The following ZMYM4 variants were observed in gnomAD, a reference collection of about 807,000 sequenced individuals.
ZMYM4 encodes zinc finger MYM-type protein 4.
Under a neutral mutation model 183.2 loss-of-function variants are expected in ZMYM4, and 31 were observed. The ratio of observed to expected loss-of-function variants is 0.17; its 90% CI spans 0.13 to 0.23. The LOEUF (loss-of-function observed/expected upper bound fraction) is 0.23. Among genes scored for constraint, ZMYM4 ranks in the 10% least tolerant of loss-of-function variants. The pLI, the probability that ZMYM4 is intolerant of heterozygous loss-of-function variation, is 1.00. For synonymous variants in ZMYM4, 592 were observed against 631.2 expected, an observed-to-expected ratio of 0.94 and a Z score of 0.93; for missense variants, 1,273 against 1,840.3, an observed-to-expected ratio of 0.69 and a Z score of 5.64.
At chr1:35,344,400 ATT>A (rs1249172369) in intron 2 of ZMYM4, among the ~76,000 whole-genome samples, 1 of 151,918 alleles carries the variant, frequency 6.6e-6, no homozygotes, top group African/African-American at 2.4e-5. Flanking sequence ...GAGAGGAGAG[ATT>A]TTTAACTGTT....
At chr1:35,271,170 A>T (rs1283410675) in intron 1 of ZMYM4, among the ~76,000 whole-genome samples, 1 of 152,216 alleles carries the variant, frequency 6.6e-6, no homozygotes, top group Non-Finnish European at 1.5e-5. Context: ...ATGTTAATTC[A>T]GGGAGATTTC....
intron 2 of ZMYM4, among the ~76,000 whole-genome samples, chr1:35,328,715 G>T (rs1642611978): frequency 6.6e-6 from 1 of 152,024 alleles, no homozygotes; most frequent in Non-Finnish European, 1.5e-5. Flanking sequence ...GCAGAGAAGT[G>T]ACTAGCTTGG....
intron 26 of ZMYM4, among the ~76,000 whole-genome samples, chr1:35,412,773 C>G (rs1639965044): frequency 6.6e-6 from 1 of 151,878 alleles, no homozygotes; most frequent in African/African-American, 2.4e-5. Flanking sequence ...TGTAATCTGC[C>G]AATAAGTTCA....
intron 5 of ZMYM4, among the ~76,000 whole-genome samples, chr1:35,362,449 A>G (rs1241609514): frequency 6.6e-6 from 1 of 152,228 alleles, no homozygotes. Flanking sequence ...TGTTGTTGGA[A>G]TAGAAGAAAA....
chr1:35,309,992 C>T (rs1489292707), intron 1 of ZMYM4, among the ~76,000 whole-genome samples: 14 of 149,158 alleles, frequency 9.4e-5, no homozygotes, highest in African/African-American at 3.0e-4. Context: ...TGCAATGGCG[C>T]GATCTCGGCT....
intron 5 of ZMYM4, among the ~76,000 whole-genome samples, chr1:35,367,183 A>G (rs761645456): frequency 1.1e-4 from 17 of 152,148 alleles, no homozygotes; most frequent in Non-Finnish European, 1.9e-4. Flanking sequence ...GAATGTGGCA[A>G]ATGCTGTTAA....
At chr1:35,349,014 G>A (rs567020631) in intron 2 of ZMYM4, among the ~76,000 whole-genome samples, 1 of 151,878 alleles carries the variant, frequency 6.6e-6, no homozygotes, top group Non-Finnish European at 1.5e-5. Flanking sequence ...CATTTTTTTT[G>A]AGATGGAGTC....
intron 1 of ZMYM4, among the ~76,000 whole-genome samples, chr1:35,281,888 T>G (rs1472496667): frequency 6.6e-6 from 1 of 152,172 alleles, no homozygotes; most frequent in Non-Finnish European, 1.5e-5. Context: ...TTCTAGATAT[T>G]TCATGTAAGT....
At chr1:35,272,091 G>A (rs1389038052) in intron 1 of ZMYM4, among the ~76,000 whole-genome samples, 1 of 151,506 alleles carries the variant, frequency 6.6e-6, no homozygotes, top group African/African-American at 2.4e-5. Flanking sequence ...CTTTTTTTTG[G>A]TGTGTGCCAA....
In ZMYM4 at chr1:35,296,843, C is replaced by CTTTCTTTTTTT. The variant is rs1553163901; in HGVS notation, c.39+27761_39+27762insCTTTTTTTTTT. On this transcript the variant is annotated intron_variant, in intron 1 of 29. Transcript: ENST00000314607. ...ACCTTTTCTTTTTCTTTCTTTCTTT[C>CTTTCTTTTTTT]TTTTTTTTTTTTTTTTTTTTTTGAG... is the stretch of plus-strand genomic sequence containing the variant. Among the ~76,000 whole-genome samples, 34 of 95,600 alleles carry CTTTCTTTTTTT rather than the reference C, an allele frequency of 3.6e-4. No homozygotes were observed. The East Asian group carries it at 9.9e-3, about 28-fold the overall frequency. The allele number at this position is 95,600 out of a possible 152,430, so 62.7% of individuals were successfully genotyped here.
At chr1:35,360,150 C>A (rs1643905032) in intron 3 of ZMYM4, among the ~76,000 whole-genome samples, 1 of 152,106 alleles carries the variant, frequency 6.6e-6, no homozygotes, top group African/African-American at 2.4e-5. Context: ...CTCTTCTACT[C>A]TGTCATCATT....
At chr1:35,325,627 CAT>C (rs1489345550) in intron 2 of ZMYM4, among the ~76,000 whole-genome samples, 4 of 151,862 alleles carry the variant, frequency 2.6e-5, no homozygotes, top group African/African-American at 7.3e-5. Flanking sequence ...TCATAGTTAT[CAT>C]ATTAAAATAT....
Position 35,359,010 on chromosome 1 carries a change from G to A in ZMYM4, c.171G>A (p.Pro57=), listed in dbSNP as rs753289271. 8.1e-6 allele frequency: 13 copies of A among 1,613,574 alleles called. No homozygotes were observed. Among genetic ancestry groups the A allele is most frequent in the Admixed American group, 5.0e-5 (3 of 59,982 alleles). ...PTLDSMSYGM[P]NQTGSENSLL... The stretch of plus-strand genomic sequence containing the variant: ...TTGACAGCATGTCTTATGGAATGCC[G>A]AATCAAACAGGATCTGAAAATTCAT... Residue 57 remains proline, a synonymous_variant, in exon 3 of 30, where the codon CCG becomes CCA. Transcript: ENST00000314607.
At chr1:35,274,300 G>C (rs7539248) in intron 1 of ZMYM4, among the ~76,000 whole-genome samples, 19,974 of 152,006 alleles carry the variant, frequency 0.13, 2,987 homozygotes, top group East Asian at 0.68. Context: ...CACACAGAGG[G>C]ATCTGTAAAT....
intron 2 of ZMYM4, among the ~76,000 whole-genome samples, chr1:35,328,674 T>G (rs749865788): frequency 7.2e-5 from 11 of 151,912 alleles, no homozygotes; most frequent in Admixed American, 2.0e-4. Flanking sequence ...TTCTGGTAGT[T>G]TAAATTAAAA....
intron 1 of ZMYM4, among the ~76,000 whole-genome samples, chr1:35,319,105 C>T (rs1017643489): frequency 1.3e-5 from 2 of 152,248 alleles, no homozygotes; most frequent in African/African-American, 4.8e-5. Context: ...GTCTCGAACT[C>T]CCGACCTCAG....
intron 1 of ZMYM4, among the ~76,000 whole-genome samples, chr1:35,289,860 T>G (rs990554271): frequency 1.3e-5 from 2 of 152,214 alleles, no homozygotes; most frequent in African/African-American, 4.8e-5. Flanking sequence ...CTTTTTAGAT[T>G]GTTGTATTCT....
At chr1:35,384,470 T>C (rs777392333) in intron 9 of ZMYM4, among the ~76,000 whole-genome samples, 2 of 152,234 alleles carry the variant, frequency 1.3e-5, no homozygotes, top group Non-Finnish European at 2.9e-5. Flanking sequence ...GTGTGACATG[T>C]TAATAATACT....
At chr1:35,410,634 G>A (rs552071543) in intron 26 of ZMYM4, among the ~76,000 whole-genome samples, 28 of 150,310 alleles carry the variant, frequency 1.9e-4, no homozygotes, top group African/African-American at 4.9e-4. Flanking sequence ...GACTACAGGC[G>A]CCTGCCACCA....
Sources: gnomAD v4.1 joint callset for allele counts (sites outside exome capture counted in the v4.1 genomes callset) on GRCh38, gnomAD v4.1.1 for gene constraint, MANE v1.5 for transcripts, NCBI Gene and HGNC (gene_info 2026-07-23, HGNC 2026-07-21) for gene names.